Variants in AKAP10 observed in about 807,000 individuals in gnomAD.
AKAP10 encodes the protein A-kinase anchoring protein 10, also known as A-kinase anchor protein 10, mitochondrial.
In AKAP10, 24 loss-of-function variants were observed where a neutral mutation model predicts 80.8. That is an observed-to-expected ratio of 0.30 (90% CI 0.22 to 0.42). AKAP10 has a LOEUF of 0.42. Ranked by LOEUF, AKAP10 falls within the 10% of genes least tolerant of loss-of-function variation. AKAP10 has a pLI of 1.00. For synonymous variants in AKAP10, 291 were observed against 277.7 expected (o/e 1.05, Z -0.48); for missense variants, 661 against 794.9 (o/e 0.83, Z 2.03).
chr17:19,977,740 C>A lies in AKAP10; in HGVS notation c.-61G>T. 1 of 1,106,344 alleles carries A rather than the reference C, an allele frequency of 9.0e-7. No homozygotes were observed. The allele number at this position is 1,106,344 out of a possible 1,614,324, so 68.5% of individuals were successfully genotyped here. On this transcript the variant is annotated 5_prime_UTR_variant, in exon 1 of 15. Coordinates refer to ENST00000225737, the MANE Select transcript of AKAP10 (RefSeq NM_007202.4). ...CCGCTGCACTAGCGCGAAAAGGGAC[C>A]CTTCTTCCGGGAGTGGGCCCCACCG... is the stretch of plus-strand genomic sequence containing the variant.
chr17:19,971,491 A>G (rs1018269078), intron 1 of AKAP10, among the ~76,000 whole-genome samples: 17 of 151,420 alleles, frequency 1.1e-4, no homozygotes, highest in African/African-American at 3.9e-4. Flanking sequence ...CCTGGGCAAC[A>G]GAGTGAGACT....
At chr17:19,960,843 T>C (rs531361300) in intron 3 of AKAP10, among the ~76,000 whole-genome samples, 1 of 151,840 alleles carries the variant, frequency 6.6e-6, no homozygotes, top group South Asian at 2.1e-4. Context: ...CTGACCAACA[T>C]GGTGAAACCC....
At chr17:19,916,939 AAAAT>A (rs753215350) in intron 12 of AKAP10, among the ~76,000 whole-genome samples, 11 of 142,724 alleles carry the variant, frequency 7.7e-5, no homozygotes, top group South Asian at 4.5e-4. Context: ...TCTGTCTCAA[AAAAT>A]AAATAAATAA....
intron 1 of AKAP10, among the ~76,000 whole-genome samples, chr17:19,972,734 C>A (rs998717776): frequency 1.3e-5 from 2 of 152,126 alleles, no homozygotes; most frequent in Non-Finnish European, 2.9e-5. Flanking sequence ...GTATTACAGG[C>A]GTGAGCCACC....
In AKAP10 at chr17:19,905,223, T is replaced by C. The variant is rs2042620465; in HGVS notation, c.*1004A>G. 6.6e-6 allele frequency: 1 copy of C among 151,950 alleles called. No individual in the cohort carries two copies. 9.4% of individuals were successfully genotyped at this position (151,950 alleles called of 1,614,324 possible). A position where few individuals can be genotyped will look rare whatever the true frequency, so the allele number is the denominator to read the frequency against. On this transcript the variant is annotated 3_prime_UTR_variant, in exon 15 of 15. Transcript: ENST00000225737. ...AGCAGAAGTGCAGTGAGTGAGTCTCTTACTATCCTAAAGAAAGGAGAAGAA... is the reference window on the plus strand; with the variant it reads ...AGCAGAAGTGCAGTGAGTGAGTCTCCTACTATCCTAAAGAAAGGAGAAGAA...
At chr17:19,948,556 G>A (rs930630389) in intron 4 of AKAP10, among the ~76,000 whole-genome samples, 8 of 152,092 alleles carry the variant, frequency 5.3e-5, no homozygotes, top group African/African-American at 1.2e-4. Context: ...CCAAGAAGAA[G>A]AAGTCGTGGC....
intron 4 of AKAP10, among the ~76,000 whole-genome samples, chr17:19,957,128 A>C (rs745665078): frequency 2.6e-5 from 4 of 152,172 alleles, no homozygotes; most frequent in African/African-American, 4.8e-5. Context: ...TATAATTTCT[A>C]AACTAATAGA....
chr17:19,913,972 G>C lies in AKAP10; in HGVS notation c.1835-3994C>G, dbSNP rs2042717989. ...TAGACAAACTCCCTGCCCACATAGA[G>C]GTAATATTCTAGTCATGAAAGAGAA... is the stretch of plus-strand genomic sequence containing the variant. On this transcript the variant is annotated intron_variant, in intron 12 of 14. Coordinates refer to ENST00000225737, the MANE Select transcript of AKAP10 (RefSeq NM_007202.4). 2.6e-5 allele frequency among the ~76,000 whole-genome samples: 4 copies of C among 152,202 alleles called. No homozygotes were observed. The South Asian group carries it at 8.3e-4, about 32-fold the overall frequency.
chr17:19,959,038 A>T (rs1402204917), intron 3 of AKAP10, among the ~76,000 whole-genome samples: 2 of 151,944 alleles, frequency 1.3e-5, no homozygotes, highest in Admixed American at 1.3e-4. Context: ...CTTTTAGTAG[A>T]GATTCGGTTT....
At chr17:19,965,856 CTT>C (rs79671894) in intron 2 of AKAP10, among the ~76,000 whole-genome samples, 1 of 144,006 alleles carries the variant, frequency 6.9e-6, no homozygotes, top group Admixed American at 7.0e-5. Context: ...CTCTATGTAC[CTT>C]TTTTTTTTTT....
chr17:19,924,435 T>A lies in AKAP10; in HGVS notation c.1724A>T (p.Glu575Val). The change falls in exon 11 of 15, where the codon GAA becomes GTA. Residue 575 changes from glutamate to valine, a missense_variant. Coordinates refer to ENST00000225737, the MANE Select transcript of AKAP10 (RefSeq NM_007202.4). ...GGCATATGTCCGTTGATATAAAGAT[T>A]CTGGATCCAGACTTGCCGCATCCAC... is the stretch of plus-strand genomic sequence containing the variant. ...IIVDAASLDP[E>V]SLYQRTYAGK... The A allele has an allele frequency of 6.2e-7, 1 of 1,605,840 alleles. No homozygotes were observed.
At chr17:19,916,277 C>A (rs1274521924) in intron 12 of AKAP10, among the ~76,000 whole-genome samples, 1 of 152,206 alleles carries the variant, frequency 6.6e-6, no homozygotes. Flanking sequence ...TGTACACAGG[C>A]TACATTTGTT....
chr17:19,923,313 G>C (rs975601445), intron 11 of AKAP10, among the ~76,000 whole-genome samples: 4 of 151,996 alleles, frequency 2.6e-5, no homozygotes, highest in African/African-American at 9.7e-5. Context: ...CCTGAGATCA[G>C]GTAATCCGCC....
chr17:19,966,089 A>C (rs2043415114), intron 2 of AKAP10, among the ~76,000 whole-genome samples: 1 of 152,186 alleles, frequency 6.6e-6, no homozygotes, highest in Admixed American at 6.5e-5. Flanking sequence ...ATTACTATGC[A>C]TATAAAATAA....
At position 19,906,011 on chromosome 17, in the gene AKAP10, A is replaced by G. The variant is rs560989799; in HGVS notation, c.*216T>C. 149 of 558,998 alleles carry G rather than the reference A, an allele frequency of 2.7e-4. 2 individuals are homozygous for G. In the South Asian group the frequency reaches 3.6e-3, roughly 14 times the overall value. The allele number at this position is 558,998 out of a possible 1,614,324, so 34.6% of individuals were successfully genotyped here. On this transcript the variant is annotated 3_prime_UTR_variant, in exon 15 of 15. Transcript: ENST00000225737. ...GTAAACAATACCATTTTGTATCTTT[A>G]AGACTCTCACTGTGTGAACATCATG...
chr17:19,932,036 TTAAA>T (rs761185627), intron 9 of AKAP10, 58 bp from the exon 10 acceptor site: 87 of 1,461,050 alleles, frequency 6.0e-5, no homozygotes, highest in Non-Finnish European at 7.6e-5. Flanking sequence ...TAAAACTGTT[TTAAA>T]TAAATAAATT....
At position 19,972,524 on chromosome 17, in the gene AKAP10, C is replaced by G. The variant is rs1335314161; in HGVS notation, c.89-4063G>C. On this transcript the variant is annotated intron_variant, in intron 1 of 14. Coordinates refer to ENST00000225737, the MANE Select transcript of AKAP10 (RefSeq NM_007202.4). The stretch of plus-strand genomic sequence containing the variant: ...AGGCTGGAGTGCAGTGGCGCGATCT[C>G]AGCTCACTGCAAGCTTCGCCTCCCG... Among the ~76,000 whole-genome samples, 3 of 152,298 alleles carry G rather than the reference C, an allele frequency of 2.0e-5. No homozygotes were observed. In the East Asian group the frequency reaches 5.8e-4, roughly 29 times the overall value.
chr17:19,939,509 A>C (rs919461383), intron 8 of AKAP10, among the ~76,000 whole-genome samples: 1 of 152,022 alleles, frequency 6.6e-6, no homozygotes, highest in Non-Finnish European at 1.5e-5. Context: ...CATCCTGTTT[A>C]CCCCACATAC....
Position 19,977,780 on chromosome 17 carries a change from C to T in AKAP10, c.-101G>A, listed in dbSNP as rs2043594604. On this transcript the variant is annotated 5_prime_UTR_variant, in exon 1 of 15. An upstream open reading frame in the 5' UTR gains an earlier in-frame stop. Coordinates refer to ENST00000225737, the MANE Select transcript of AKAP10 (RefSeq NM_007202.4). Reference sequence around the variant, plus strand: ...GGGCCCCACCGCCTCCTCGGGATGCCCAGGCAGCTCCAGCCGCCATATTAT... The same window carrying T: ...GGGCCCCACCGCCTCCTCGGGATGCTCAGGCAGCTCCAGCCGCCATATTAT... 2 of 638,030 alleles carry T rather than the reference C, an allele frequency of 3.1e-6. No individual in the cohort carries two copies. The highest frequency in any genetic ancestry group is 4.5e-6 in the Non-Finnish European group (2 of 444,038). The allele number at this position is 638,030 out of a possible 1,614,324, so 39.5% of individuals were successfully genotyped here. A position where few individuals can be genotyped will look rare whatever the true frequency, so the allele number is the denominator to read the frequency against.
Sources: allele counts gnomAD v4.1 joint callset (sites outside exome capture counted in the v4.1 genomes callset), GRCh38; gene constraint gnomAD v4.1.1; transcripts MANE v1.5; gene names NCBI Gene and HGNC (gene_info 2026-07-23, HGNC 2026-07-21).